The following INPP4B variants were observed in gnomAD, a reference collection of about 807,000 sequenced individuals.
INPP4B encodes the protein inositol polyphosphate 4-phosphatase type II.
INPP4B carries 55 observed loss-of-function variants against 122.5 expected under a neutral mutation model. That is an observed-to-expected ratio of 0.45 (90% confidence interval 0.36 to 0.56). The LOEUF (loss-of-function observed/expected upper bound fraction) is 0.56. Among genes scored for constraint, INPP4B ranks in the 20% least tolerant of loss-of-function variants. The probability of loss-of-function intolerance (pLI) is 0.00; values close to 1 mark genes in which losing one functional copy is unlikely to be tolerated. For missense variants in INPP4B, 1,000 were observed against 1,097.7 expected (o/e 0.91, Z 1.26); for synonymous variants, 403 against 388.7 (o/e 1.04, Z -0.43).
At chr4:142,407,251 A>C (rs1161639102) in intron 5 of INPP4B, among the ~76,000 whole-genome samples, 3 of 152,210 alleles carry the variant, frequency 2.0e-5, no homozygotes, top group Non-Finnish European at 2.9e-5. Context: ...TGATATTGAC[A>C]TATATCTATC....
chr4:142,119,009 A>G (rs1795210724), intron 21 of INPP4B, among the ~76,000 whole-genome samples: 3 of 152,248 alleles, frequency 2.0e-5, no homozygotes, highest in African/African-American at 7.2e-5. Context: ...ACTTCTCAAA[A>G]GAAGACATTT....
chr4:142,468,347 T>C lies in INPP4B; in HGVS notation c.-190-5621A>G, dbSNP rs562567071. On this transcript the variant is annotated intron_variant, in intron 2 of 25. Coordinates refer to ENST00000262992, the MANE Select transcript of INPP4B (RefSeq NM_001101669.3). ...CACATCAGTGAGAGGTTTTGGGATA[T>C]TATAGCAAAGGCAGAAGCTGAGTGA... Among the ~76,000 whole-genome samples the C allele has an allele frequency of 3.3e-5, 5 of 152,234 alleles. No individual in the cohort carries two copies. The South Asian group carries it at 1.0e-3, about 32-fold the overall frequency.
At chr4:142,192,637 C>A (rs536727428) in intron 15 of INPP4B, among the ~76,000 whole-genome samples, 16 of 152,182 alleles carry the variant, frequency 1.1e-4, no homozygotes, top group Admixed American at 3.9e-4. Flanking sequence ...ACATAGAATT[C>A]TGTATTGTTG....
At chr4:142,524,422 T>C (rs1299566499) in intron 2 of INPP4B, among the ~76,000 whole-genome samples, 2 of 152,032 alleles carry the variant, frequency 1.3e-5, no homozygotes, top group Non-Finnish European at 2.9e-5. Context: ...GATGAGCATT[T>C]TTTCATGTGT....
chr4:142,276,727 T>C (rs1314426365), intron 9 of INPP4B, among the ~76,000 whole-genome samples: 2 of 151,884 alleles, frequency 1.3e-5, no homozygotes, highest in Non-Finnish European at 2.9e-5. Flanking sequence ...GACGTAGAAA[T>C]GTTGATCATC....
intron 1 of INPP4B, among the ~76,000 whole-genome samples, chr4:142,832,000 T>C (rs1222022458): frequency 2.0e-5 from 3 of 152,184 alleles, no homozygotes; most frequent in Admixed American, 6.6e-5. Context: ...AAATAAAATA[T>C]ATTTTGTGCT....
intron 16 of INPP4B, among the ~76,000 whole-genome samples, chr4:142,168,445 T>C (rs1264070858): frequency 1.3e-5 from 2 of 151,604 alleles, no homozygotes; most frequent in Non-Finnish European, 1.5e-5. Context: ...TGTTGGATTT[T>C]TCTATGGCAA....
At chr4:142,737,149 G>T (rs1488491338) in intron 1 of INPP4B, among the ~76,000 whole-genome samples, 1 of 152,114 alleles carries the variant, frequency 6.6e-6, no homozygotes, top group African/African-American at 2.4e-5. Flanking sequence ...AGCCTGCATT[G>T]CCAAGTCAAT....
chr4:142,126,219 G>A (rs1370258201), intron 18 of INPP4B, among the ~76,000 whole-genome samples: 1 of 152,054 alleles, frequency 6.6e-6, no homozygotes, highest in African/African-American at 2.4e-5. Flanking sequence ...ATATGAATGA[G>A]TGCATGCTGC....
chr4:142,260,353 T>G, intron 11 of INPP4B, 139 bp downstream of exon 11: 1 of 660,846 alleles, frequency 1.5e-6, no homozygotes, highest in Non-Finnish European at 2.7e-6. Flanking sequence ...CTCCCCGCAT[T>G]CTGCTGGCCC....
rs1364337839 is a variant in INPP4B, at chr4:142,455,094, G to A, written c.-127+7569C>T. 2.6e-5 allele frequency among the ~76,000 whole-genome samples: 4 copies of A among 151,864 alleles called. No homozygotes were observed. In the East Asian group the frequency reaches 7.7e-4, roughly 29 times the overall value. On this transcript the variant is annotated intron_variant, in intron 3 of 25. Coordinates refer to ENST00000262992, the MANE Select transcript of INPP4B (RefSeq NM_001101669.3). ...AGGTATCAAAACCTCATTATTTCAT[G>A]ATGTGAAATAATGACATCATGGAAA...
chr4:142,698,933 T>C (rs980800421), intron 2 of INPP4B, among the ~76,000 whole-genome samples: 1 of 152,152 alleles, frequency 6.6e-6, no homozygotes, highest in African/African-American at 2.4e-5. Flanking sequence ...TTTTCACCCT[T>C]TTCCCTGGGC....
chr4:142,221,171 G>T (rs1016085403), intron 12 of INPP4B, among the ~76,000 whole-genome samples: 18 of 151,974 alleles, frequency 1.2e-4, no homozygotes, highest in African/African-American at 2.4e-4. Flanking sequence ...AGGCCGAGGC[G>T]AGTGGATCAC....
At chr4:142,665,783 G>T (rs145052500) in intron 2 of INPP4B, among the ~76,000 whole-genome samples, 30 of 152,104 alleles carry the variant, frequency 2.0e-4, no homozygotes, top group African/African-American at 6.0e-4. Context: ...TACTTCTTTT[G>T]CTTGATAAAT....
At chr4:142,843,318 A>G (rs1275688887) in intron 1 of INPP4B, among the ~76,000 whole-genome samples, 4 of 151,986 alleles carry the variant, frequency 2.6e-5, no homozygotes, top group African/African-American at 9.6e-5. Context: ...AGTATATATG[A>G]TTAGAGTATG....
At chr4:142,656,920 T>C (rs978503817) in intron 2 of INPP4B, among the ~76,000 whole-genome samples, 3 of 152,236 alleles carry the variant, frequency 2.0e-5, no homozygotes, top group Non-Finnish European at 4.4e-5. Flanking sequence ...GTGGCCAATC[T>C]GGTGTGCTTT....
chr4:142,144,602 A>G (rs1809683007), intron 18 of INPP4B, among the ~76,000 whole-genome samples: 1 of 152,082 alleles, frequency 6.6e-6, no homozygotes, highest in Admixed American at 6.5e-5. Flanking sequence ...ACTAATAAAA[A>G]CTGGTATTGT....
chr4:142,538,745 G>A (rs906711535), intron 2 of INPP4B, among the ~76,000 whole-genome samples: 1 of 151,916 alleles, frequency 6.6e-6, no homozygotes, highest in Non-Finnish European at 1.5e-5. Context: ...CATATTGCAG[G>A]CATGGATGCG....
chr4:142,299,438 A>G (rs1310680166), intron 9 of INPP4B, among the ~76,000 whole-genome samples: 3 of 151,628 alleles, frequency 2.0e-5, no homozygotes, highest in Admixed American at 6.6e-5. Flanking sequence ...TACAGGTGTG[A>G]GCCATCGCAT....
Sources: allele counts gnomAD v4.1 joint callset (sites outside exome capture counted in the v4.1 genomes callset), GRCh38; gene constraint gnomAD v4.1.1; transcripts MANE v1.5; gene names NCBI Gene and HGNC (gene_info 2026-07-23, HGNC 2026-07-21).